Variants in TMEM132D observed in about 807,000 individuals in gnomAD.
TMEM132D encodes transmembrane protein 132D.
Under a neutral mutation model 62.3 loss-of-function variants are expected in TMEM132D, and 21 were observed. The observed-to-expected ratio is 0.34, with a 90% confidence interval of 0.24 to 0.49. TMEM132D has a LOEUF of 0.49. Ranked by LOEUF, TMEM132D falls within the 20% of genes least tolerant of loss-of-function variation. The pLI is 0.99. For synonymous variants in TMEM132D, 621 were observed against 575.6 expected, an observed-to-expected ratio of 1.08 and a Z score of -1.13; for missense variants, 1,346 against 1,402.8, an observed-to-expected ratio of 0.96 and a Z score of 0.65.
chr12:129,885,785 G>A (rs1436778767), intron 1 of TMEM132D, among the ~76,000 whole-genome samples: 1 of 152,162 alleles, frequency 6.6e-6, no homozygotes, highest in Non-Finnish European at 1.5e-5. Context: ...TCTTTTAAAT[G>A]TATCCATTGG....
chr12:129,322,551 T>C (rs1470656523), intron 4 of TMEM132D, among the ~76,000 whole-genome samples: 2 of 148,308 alleles, frequency 1.3e-5, no homozygotes, highest in African/African-American at 2.5e-5. Flanking sequence ...GGTGGTTGAA[T>C]TGCATGTTTA....
chr12:129,760,319 CTTTCTTTTTTTTTTT>C (rs1870313364), intron 1 of TMEM132D, among the ~76,000 whole-genome samples: 1 of 95,698 alleles, frequency 1.0e-5, no homozygotes, highest in Admixed American at 1.6e-4. Flanking sequence ...ATGTAAGCCA[CTTTCTTTTTTTTTTT>C]TTTTTTTTTT....
intron 3 of TMEM132D, among the ~76,000 whole-genome samples, chr12:129,496,672 A>T (rs1478864468): frequency 3.1e-5 from 1 of 31,996 alleles, no homozygotes; most frequent in African/African-American, 2.2e-4. Flanking sequence ...ACTTACATTA[A>T]AAAAAAAATG....
intron 3 of TMEM132D, among the ~76,000 whole-genome samples, chr12:129,501,786 G>A (rs1176971117): frequency 6.6e-6 from 1 of 152,020 alleles, no homozygotes; most frequent in East Asian, 1.9e-4. Context: ...GATTACGGGT[G>A]TGCACCACCA....
At chr12:129,521,798 T>C (rs1231234988) in intron 3 of TMEM132D, 3 of 152,122 alleles carry the variant, frequency 2.0e-5, no homozygotes, top group African/African-American at 2.4e-5. Context: ...CTGGCAGACA[T>C]TTGGGTGATT....
rs1198218708 is a variant in TMEM132D, at chr12:129,084,659, A to G, written c.1487T>C (p.Met496Thr). The change falls in exon 6 of 9, where the codon ATG becomes ACG. Residue 496 changes from methionine (M) to threonine (T), a missense_variant. Physicochemically the swap from Met to Thr is moderately conservative, Grantham distance 81. Coordinates refer to ENST00000422113, the MANE Select transcript of TMEM132D (RefSeq NM_133448.3). ...CDYVFVNGKE[M>T]KGKVNVVVNF... ...CACCACCACGTTGACCTTGCCTTTC[A>G]TTTCTTTCCCATTGACAAAGACGTA... 2 of 1,613,976 alleles carry G rather than the reference A, an allele frequency of 1.2e-6. No individual in the cohort carries two copies. The highest frequency in any genetic ancestry group is 2.2e-5 in the East Asian group (1 of 44,840).
chr12:129,732,337 A>C (rs1050104109), intron 1 of TMEM132D, among the ~76,000 whole-genome samples: 2 of 152,178 alleles, frequency 1.3e-5, no homozygotes, highest in Admixed American at 6.5e-5. Flanking sequence ...TGGCCCCAGG[A>C]GAGCTTTAGG....
Position 129,074,226 on chromosome 12 carries a change from C to T in TMEM132D, c.2949G>A (p.Ser983=), listed in dbSNP as rs375506313. The change falls in exon 9 of 9, where the codon TCG becomes TCA. Residue 983 remains serine, a synonymous_variant. Transcript: ENST00000422113. ...LLENHINFAS[S]QDEQITAIDR... ...CAATGGCAGTGATTTGCTCATCTTG[C>T]GAGGAGGCAAAGTTGATGTGATTCT... 8.3e-5 allele frequency: 134 copies of T among 1,613,854 alleles called. 2 individuals carry two copies. Among genetic ancestry groups the T allele is most frequent in the South Asian group, 3.7e-4 (34 of 91,062 alleles).
At chr12:129,093,051 G>A (rs1192176889) in intron 5 of TMEM132D, among the ~76,000 whole-genome samples, 1 of 152,194 alleles carries the variant, frequency 6.6e-6, no homozygotes, top group Non-Finnish European at 1.5e-5. Context: ...CGCACTGGAG[G>A]ACACACTGGA....
intron 1 of TMEM132D, among the ~76,000 whole-genome samples, chr12:129,868,057 GTTTCTATGGTACACACATGAGGCAGCA>G (rs1187412355): frequency 3.3e-5 from 5 of 151,776 alleles, no homozygotes; most frequent in Admixed American, 2.0e-4. Flanking sequence ...ATGAGACAGC[GTTTCTATGGTACACACATGAGGCAGCA>G]TTTCTATGGT....
In TMEM132D at chr12:129,337,594, C is replaced by G. The variant is rs376858781; in HGVS notation, c.1299+40G>C. 3.6e-5 allele frequency: 58 copies of G among 1,610,802 alleles called. No homozygotes were observed. The Middle Eastern group carries it at 4.9e-4, about 14-fold the overall frequency. On this transcript the variant is annotated intron_variant, in intron 4 of 8. Coordinates refer to ENST00000422113, the MANE Select transcript of TMEM132D (RefSeq NM_133448.3). ...TGCGGCGCCGGCGCCTTCCCCTCCC[C>G]CGAGTTCAGTTCTAACAGCCCAGGG...
intron 1 of TMEM132D, among the ~76,000 whole-genome samples, chr12:129,770,003 G>C (rs1236467220): frequency 6.6e-6 from 1 of 151,922 alleles, no homozygotes; most frequent in Admixed American, 6.6e-5. Flanking sequence ...AATTTTTGTG[G>C]AGATGGGGGT....
chr12:129,399,989 A>G (rs1871570884), intron 3 of TMEM132D, among the ~76,000 whole-genome samples: 1 of 152,182 alleles, frequency 6.6e-6, no homozygotes, highest in South Asian at 2.1e-4. Context: ...AATATTTGGT[A>G]AAGTGTGATT....
Position 129,450,653 on chromosome 12 carries a change from C to T in TMEM132D, c.1115+80406G>A, listed in dbSNP as rs535669671. Among the ~76,000 whole-genome samples, 8 of 152,022 alleles carry T rather than the reference C, an allele frequency of 5.3e-5. No homozygotes were observed. The East Asian group carries it at 5.8e-4, about 11-fold the overall frequency. ...GCTGTGAAACCAGGATTTGCAAGTT[C>T]GTTGGCATCCCTGCAACAGGGTCCC... On this transcript the variant is annotated intron_variant, in intron 3 of 8. Transcript: ENST00000422113.
Position 129,779,576 on chromosome 12 carries a change from C to G in TMEM132D, c.80-78878G>C, listed in dbSNP as rs549389896. Among the ~76,000 whole-genome samples, 100 of 152,318 alleles carry G rather than the reference C, an allele frequency of 6.6e-4. No individual in the cohort carries two copies. In the Middle Eastern group the frequency reaches 0.01, roughly 16 times the overall value. On this transcript the variant is annotated intron_variant, in intron 1 of 8. Transcript: ENST00000422113. The surrounding 1 kb of genome is among the most constrained non-coding windows in gnomAD (Gnocchi z 4.1). ...GGGATTACAGGTGTGAGCCACCACA[C>G]CCGGCCCAGGTTTTTGTTATTGTTT...
rs73151081 is a variant in TMEM132D, at chr12:129,454,015, C to A, written c.1115+77044G>T. ...GTTATCTTCTAAAATGGGTACCAGG[C>A]AGCAACTACAGCAATGTTCATGTTA... is the stretch of plus-strand genomic sequence containing the variant. On this transcript the variant is annotated intron_variant, in intron 3 of 8. Transcript: ENST00000422113. Among the ~76,000 whole-genome samples the A allele has an allele frequency of 7.0e-3, 1,062 of 152,300 alleles. 6 individuals are homozygous for A. Among genetic ancestry groups the A allele is most frequent in the South Asian group, 0.012 (60 of 4,824 alleles).
chr12:129,770,922 C>T (rs1003316959), intron 1 of TMEM132D, among the ~76,000 whole-genome samples: 9 of 152,194 alleles, frequency 5.9e-5, no homozygotes, highest in East Asian at 1.9e-4. Context: ...CATCGTAAGC[C>T]GAGGACTGTC....
chr12:129,488,359 AT>A (rs2137058391), intron 3 of TMEM132D, among the ~76,000 whole-genome samples: 1 of 152,130 alleles, frequency 6.6e-6, no homozygotes. Context: ...AAACTATATG[AT>A]GTTAACATGT....
chr12:129,789,238 T>G (rs2123071), intron 1 of TMEM132D, among the ~76,000 whole-genome samples: 1 of 151,780 alleles, frequency 6.6e-6, no homozygotes, highest in African/African-American at 2.4e-5. Flanking sequence ...CCCCGAGTCC[T>G]CAAAATCCAT....
Sources: allele counts gnomAD v4.1 joint callset (sites outside exome capture counted in the v4.1 genomes callset), GRCh38; gene constraint gnomAD v4.1.1; non-coding constraint Gnocchi (gnomAD v3.1); transcripts MANE v1.5; gene names NCBI Gene and HGNC (gene_info 2026-07-23, HGNC 2026-07-21).